KIAA1958: variants seen among roughly 807,000 people sequenced by gnomAD.
KIAA1958 encodes the protein KIAA1958.
A neutral mutation model predicts 47.2 loss-of-function variants in KIAA1958; 14 were observed. That is an observed-to-expected ratio of 0.30 (90% CI 0.20 to 0.46). KIAA1958 has a LOEUF of 0.46. KIAA1958 is among the 20% of genes least tolerant of loss of function. The pLI, the probability that KIAA1958 is intolerant of heterozygous loss-of-function variation, is 1.00. For missense variants in KIAA1958, 803 were observed against 909.2 expected (o/e 0.88, Z 1.50); for synonymous variants, 354 against 353.3 (o/e 1.00, Z -0.02).
At chr9:112,560,754 G>A (rs573179438) in intron 1 of KIAA1958, among the ~76,000 whole-genome samples, 1 of 152,210 alleles carries the variant, frequency 6.6e-6, no homozygotes, top group Non-Finnish European at 1.5e-5. Flanking sequence ...TTAGATCATG[G>A]CATCTATTAT....
intron 1 of KIAA1958, among the ~76,000 whole-genome samples, chr9:112,523,979 C>G (rs1455356179): frequency 6.6e-6 from 1 of 152,198 alleles, no homozygotes; most frequent in Non-Finnish European, 1.5e-5. Flanking sequence ...AGTCGAGTTT[C>G]TAAAGAATGG....
At position 112,665,228 on chromosome 9, in the gene KIAA1958, G is replaced by C. The variant is rs891708657; in HGVS notation, c.*5159G>C. On this transcript the variant is annotated 3_prime_UTR_variant, in exon 4 of 4. Transcript: ENST00000337530. ...ACTTGGTGGTCAATAGAACTGATTT[G>C]ATTAACTTTCATTTAACTGTGGTTA... is the stretch of plus-strand genomic sequence containing the variant. 1 of 151,974 alleles carries C rather than the reference G, an allele frequency of 6.6e-6. No individual in the cohort carries two copies. The highest frequency in any genetic ancestry group is 1.5e-5 in the Non-Finnish European group (1 of 68,012). 9.4% of individuals were successfully genotyped at this position (151,974 alleles called of 1,614,324 possible).
intron 1 of KIAA1958, among the ~76,000 whole-genome samples, chr9:112,571,771 C>T (rs182381084): frequency 6.3e-4 from 95 of 149,636 alleles, no homozygotes; most frequent in African/African-American, 2.3e-3. Context: ...AACCTAGGGA[C>T]ACCCCTAGGT....
At chr9:112,650,135 C>G (rs1837033969) in intron 3 of KIAA1958, among the ~76,000 whole-genome samples, 1 of 151,890 alleles carries the variant, frequency 6.6e-6, no homozygotes, top group Non-Finnish European at 1.5e-5. Flanking sequence ...GAAGGAAAAA[C>G]TGTCAACATA....
chr9:112,573,421 G>T (rs998056922), intron 1 of KIAA1958, among the ~76,000 whole-genome samples: 7 of 152,104 alleles, frequency 4.6e-5, no homozygotes, highest in African/African-American at 1.7e-4. Context: ...CCCTCCAGCA[G>T]GTCTCCTCCC....
intron 2 of KIAA1958, among the ~76,000 whole-genome samples, chr9:112,635,214 TTGTGTGTGTG>T (rs71999105): frequency 0.036 from 4,712 of 130,382 alleles, 89 homozygotes; most frequent in African/African-American, 0.041. Flanking sequence ...ATTCTTTATT[TTGTGTGTGTG>T]TGTGTGTGTG....
At chr9:112,507,073 TAAGGACTTTTAG>T (rs1834246174) in intron 1 of KIAA1958, among the ~76,000 whole-genome samples, 1 of 152,230 alleles carries the variant, frequency 6.6e-6, no homozygotes, top group Non-Finnish European at 1.5e-5. Flanking sequence ...ATAGTTAAGC[TAAGGACTTTTAG>T]AAGTATTTGT....
rs542061177 is a variant in KIAA1958, at chr9:112,570,140, C to T, written c.-24-3917C>T. ...GTAAATATAAGAAATCTGTCTTTGA[C>T]AGTCAAATAACTAATCAAGAATAGT... On this transcript the variant is annotated intron_variant, in intron 1 of 3. Coordinates refer to ENST00000337530, the MANE Select transcript of KIAA1958 (RefSeq NM_133465.4). Among the ~76,000 whole-genome samples the T allele has an allele frequency of 2.0e-5, 3 of 152,336 alleles. No homozygotes were observed. The East Asian group carries it at 5.8e-4, about 29-fold the overall frequency.
chr9:112,499,107 T>G (rs1038789159), intron 1 of KIAA1958, among the ~76,000 whole-genome samples: 11 of 152,378 alleles, frequency 7.2e-5, no homozygotes, highest in African/African-American at 1.7e-4. Context: ...TATTCCATTG[T>G]GTATATACAC....
At chr9:112,636,072 A>AT (rs555863903) in intron 2 of KIAA1958, among the ~76,000 whole-genome samples, 3 of 149,048 alleles carry the variant, frequency 2.0e-5, no homozygotes, top group African/African-American at 2.4e-5. Flanking sequence ...ATTCTCATTG[A>AT]TTTTTTTTCT....
intron 1 of KIAA1958, among the ~76,000 whole-genome samples, chr9:112,494,387 T>C (rs777653739): frequency 5.9e-5 from 9 of 152,030 alleles, no homozygotes; most frequent in South Asian, 4.1e-4. Context: ...TATACCTTAG[T>C]ATTATTTTTT....
intron 2 of KIAA1958, among the ~76,000 whole-genome samples, chr9:112,600,525 C>T (rs1460933120): frequency 6.6e-6 from 1 of 152,210 alleles, no homozygotes; most frequent in African/African-American, 2.4e-5. Context: ...CACATAGTGT[C>T]TCTTCTTACA....
At chr9:112,656,346 C>T (rs1396900116) in intron 3 of KIAA1958, among the ~76,000 whole-genome samples, 1 of 143,112 alleles carries the variant, frequency 7.0e-6, no homozygotes, top group Non-Finnish European at 1.5e-5. Flanking sequence ...GCACTCCAGC[C>T]TGAGCAACAG....
In KIAA1958 at chr9:112,668,917, A is replaced by G. The variant is rs1564208943; in HGVS notation, c.*8848A>G. 1 of 152,214 alleles carries G rather than the reference A, an allele frequency of 6.6e-6. No individual in the cohort carries two copies. Among genetic ancestry groups the G allele is most frequent in the Non-Finnish European group, 1.5e-5 (1 of 68,040 alleles). 9.4% of individuals were successfully genotyped at this position (152,214 alleles called of 1,614,324 possible). A position where few individuals can be genotyped will look rare whatever the true frequency, so the allele number is the denominator to read the frequency against. ...GCGCAATGCTTTTATTTAAAAATTT[A>G]ATATTTTCTATGGGGCTGTATTTTC... On this transcript the variant is annotated 3_prime_UTR_variant, in exon 4 of 4. Coordinates refer to ENST00000337530, the MANE Select transcript of KIAA1958 (RefSeq NM_133465.4).
intron 1 of KIAA1958, among the ~76,000 whole-genome samples, chr9:112,487,936 AGTGTGTGTGCGT>A (rs1564145576): frequency 2.2e-5 from 2 of 91,076 alleles, no homozygotes; most frequent in Middle Eastern, 5.4e-3. Context: ...ATATGTATTT[AGTGTGTGTGCGT>A]GTGTGTGTGT....
At chr9:112,530,330 A>T (rs184961491) in intron 1 of KIAA1958, among the ~76,000 whole-genome samples, 599 of 152,314 alleles carry the variant, frequency 3.9e-3, no homozygotes, top group Middle Eastern at 6.8e-3. Context: ...GAGCTCTTTG[A>T]ACTGACTCCT....
At chr9:112,576,739 A>G (rs1835653111) in intron 2 of KIAA1958, among the ~76,000 whole-genome samples, 1 of 152,024 alleles carries the variant, frequency 6.6e-6, no homozygotes, top group Non-Finnish European at 1.5e-5. Context: ...TTTTCCTTTC[A>G]TCAGTTGATG....
At chr9:112,563,626 C>T (rs532254276) in intron 1 of KIAA1958, among the ~76,000 whole-genome samples, 5 of 151,670 alleles carry the variant, frequency 3.3e-5, no homozygotes, top group South Asian at 4.2e-4. Context: ...TGTGAATTCT[C>T]GGTGATTTCT....
intron 2 of KIAA1958, among the ~76,000 whole-genome samples, chr9:112,641,315 A>T (rs1187107747): frequency 4.8e-5 from 7 of 145,500 alleles, no homozygotes; most frequent in Non-Finnish European, 1.1e-4. Context: ...TACAACTCTG[A>T]GGAGACTATG....
Sources: gnomAD v4.1 joint callset for allele counts (sites outside exome capture counted in the v4.1 genomes callset) on GRCh38, gnomAD v4.1.1 for gene constraint, MANE v1.5 for transcripts, NCBI Gene and HGNC (gene_info 2026-07-23, HGNC 2026-07-21) for gene names.